PDE3A: variants seen among roughly 807,000 people sequenced by gnomAD.
PDE3A encodes cGMP-inhibited 3',5'-cyclic phosphodiesterase 3A.
PDE3A carries 43 observed loss-of-function variants against 98.3 expected under a neutral mutation model. The observed-to-expected ratio is 0.44, with a 90% CI of 0.34 to 0.56. The LOEUF is 0.56. PDE3A is among the 20% of genes least tolerant of loss of function. The pLI is 0.01. For synonymous variants in PDE3A, 663 were observed against 567.9 expected (o/e 1.17, Z -2.38); for missense variants, 1,427 against 1,440.7 (o/e 0.99, Z 0.15).
intron 1 of PDE3A, among the ~76,000 whole-genome samples, chr12:20,506,732 A>G (rs1164286977): frequency 6.6e-6 from 1 of 152,058 alleles, no homozygotes; most frequent in African/African-American, 2.4e-5. Context: ...GAGAAGTAAC[A>G]TGAAACTTCT....
chr12:20,631,499 A>C (rs1300029450), intron 6 of PDE3A, among the ~76,000 whole-genome samples: 1 of 152,188 alleles, frequency 6.6e-6, no homozygotes, highest in Non-Finnish European at 1.5e-5. Flanking sequence ...AACACAATTA[A>C]GAAGCATTGT....
chr12:20,369,774 C>T lies in PDE3A; in HGVS notation c.490C>T (p.Leu164=). Residue 164 remains leucine, a synonymous_variant, in exon 1 of 16, where the codon CTG becomes TTG. Coordinates refer to ENST00000359062, the MANE Select transcript of PDE3A (RefSeq NM_000921.5). ...GCGCCTGCCTCTGGCTGTCGCGCTGCTGGCCGCCTGCTGCGGGGGGGAAGC... is the reference window on the plus strand; with the variant it reads ...GCGCCTGCCTCTGGCTGTCGCGCTGTTGGCCGCCTGCTGCGGGGGGGAAGC... The part of the protein sequence containing the change: ...GVRLPLAVAL[L]AACCGGEALV... The T allele has an allele frequency of 6.2e-7, 1 of 1,612,566 alleles. No homozygotes were observed. Among genetic ancestry groups the T allele is most frequent in the South Asian group, 1.1e-5 (1 of 91,016 alleles).
intron 1 of PDE3A, among the ~76,000 whole-genome samples, chr12:20,515,820 C>T (rs1339388941): frequency 6.7e-6 from 1 of 149,892 alleles, no homozygotes. Context: ...GCAAGCTCCG[C>T]CTCCCGGGTT....
chr12:20,587,288 G>T (rs1943220367), intron 2 of PDE3A, among the ~76,000 whole-genome samples: 1 of 152,162 alleles, frequency 6.6e-6, no homozygotes, highest in South Asian at 2.1e-4. Flanking sequence ...AGAATCGCTT[G>T]AACGCGGGAG....
At chr12:20,568,891 A>G (rs986637398) in intron 2 of PDE3A, among the ~76,000 whole-genome samples, 4 of 152,032 alleles carry the variant, frequency 2.6e-5, no homozygotes, top group African/African-American at 9.6e-5. Context: ...GGAAAGGATT[A>G]ATTTTCAAAG....
intron 1 of PDE3A, among the ~76,000 whole-genome samples, chr12:20,556,392 T>G (rs929768772): frequency 2.0e-5 from 3 of 152,150 alleles, no homozygotes; most frequent in African/African-American, 7.2e-5. Flanking sequence ...TGGTTTAACA[T>G]CTATCTAGGA....
At chr12:20,589,868 T>TAAAAAAAAAAAAAAAAACAAAAA (rs1943289813) in intron 2 of PDE3A, among the ~76,000 whole-genome samples, 1 of 112,398 alleles carries the variant, frequency 8.9e-6, no homozygotes. Flanking sequence ...GACTGCATCT[T>TAAAAAAAAAAAAAAAAACAAAAA]AAAAAAAAAA....
chr12:20,571,359 C>A (rs1825759888), intron 2 of PDE3A, among the ~76,000 whole-genome samples: 1 of 152,064 alleles, frequency 6.6e-6, no homozygotes, highest in African/African-American at 2.4e-5. Flanking sequence ...CCTCTGGCAC[C>A]ACAGCAATAA....
At chr12:20,625,032 A>G (rs1944228475) in intron 5 of PDE3A, among the ~76,000 whole-genome samples, 2 of 152,194 alleles carry the variant, frequency 1.3e-5, no homozygotes, top group Admixed American at 6.6e-5. Flanking sequence ...ATGAAGTAAG[A>G]AGAGGCATAC....
chr12:20,395,772 A>G (rs1272175041), intron 1 of PDE3A, among the ~76,000 whole-genome samples: 1 of 151,326 alleles, frequency 6.6e-6, no homozygotes, highest in Admixed American at 6.6e-5. Context: ...GGGGAGACCT[A>G]TAGAGATGCA....
chr12:20,511,515 C>T (rs899839248), intron 1 of PDE3A, among the ~76,000 whole-genome samples: 3 of 151,790 alleles, frequency 2.0e-5, no homozygotes, highest in Non-Finnish European at 4.4e-5. Flanking sequence ...AATGGCTAAA[C>T]AACCTAAGAA....
chr12:20,669,566 T>C (rs1398260501), intron 15 of PDE3A, among the ~76,000 whole-genome samples: 1 of 152,002 alleles, frequency 6.6e-6, no homozygotes, highest in African/African-American at 2.4e-5. Flanking sequence ...AAGAAAAGAA[T>C]TTCCAACCCA....
intron 4 of PDE3A, among the ~76,000 whole-genome samples, chr12:20,617,506 G>T (rs1944034360): frequency 6.6e-6 from 1 of 152,080 alleles, no homozygotes; most frequent in African/African-American, 2.4e-5. Flanking sequence ...CCTGACGGTT[G>T]AAATTAATTA....
At chr12:20,651,535 A>G (rs1944915754) in intron 14 of PDE3A, among the ~76,000 whole-genome samples, 1 of 152,178 alleles carries the variant, frequency 6.6e-6, no homozygotes. Flanking sequence ...AAAAAGTTAG[A>G]TCCCTCTCTA....
intron 5 of PDE3A, among the ~76,000 whole-genome samples, chr12:20,629,654 G>A (rs114147696): frequency 1.4e-4 from 22 of 152,222 alleles, no homozygotes; most frequent in African/African-American, 4.8e-4. Context: ...GTTACTCCAC[G>A]ACACCAGGGC....
At chr12:20,491,512 C>T (rs1945825710) in intron 1 of PDE3A, among the ~76,000 whole-genome samples, 1 of 152,094 alleles carries the variant, frequency 6.6e-6, no homozygotes, top group South Asian at 2.1e-4. Context: ...GTTAGAGTTT[C>T]TTCAGAGGTC....
chr12:20,677,941 A>G (rs1945683610), intron 15 of PDE3A, among the ~76,000 whole-genome samples: 1 of 151,044 alleles, frequency 6.6e-6, no homozygotes, highest in South Asian at 2.1e-4. Context: ...GCCTGTTGTA[A>G]AATTTTGCTG....
chr12:20,459,838 A>T (rs1410518937), intron 1 of PDE3A, among the ~76,000 whole-genome samples: 1 of 152,196 alleles, frequency 6.6e-6, no homozygotes. Flanking sequence ...AATTACAGTG[A>T]TAACAGAAGG....
chr12:20,649,367 T>C (rs373743645), intron 13 of PDE3A, among the ~76,000 whole-genome samples: 1 of 152,158 alleles, frequency 6.6e-6, no homozygotes, highest in South Asian at 2.1e-4. Context: ...AGCAGACATA[T>C]AGGTATTGAT....
Sources: gnomAD v4.1 joint callset for allele counts (sites outside exome capture counted in the v4.1 genomes callset) on GRCh38, gnomAD v4.1.1 for gene constraint, MANE v1.5 for transcripts, NCBI Gene and HGNC (gene_info 2026-07-23, HGNC 2026-07-21) for gene names.